Variants in SHOC1 observed in about 807,000 individuals in gnomAD.
SHOC1 encodes the protein protein shortage in chiasmata 1 ortholog.
In SHOC1, 136 loss-of-function variants were observed where a neutral mutation model predicts 179.2. The observed-to-expected ratio is 0.76, with a 90% CI of 0.66 to 0.87. SHOC1 has a LOEUF of 0.87. Ranked by LOEUF, SHOC1 falls within the 40% of genes least tolerant of loss-of-function variation. SHOC1 has a pLI of 0.00. For missense variants in SHOC1, 1,538 were observed against 1,700.8 expected (o/e 0.90, Z 1.68); for synonymous variants, 489 against 586.6 (o/e 0.83, Z 2.41).
chr9:111,718,106 T>G, intron 16 of SHOC1, 78 bp downstream of exon 16: 5 of 992,580 alleles, frequency 5.0e-6, no homozygotes, highest in Non-Finnish European at 7.5e-6. Flanking sequence ...ATAAGGTGTA[T>G]CTTTTTCAGA....
intron 12 of SHOC1, among the ~76,000 whole-genome samples, chr9:111,732,507 G>A (rs1833621427): frequency 6.6e-6 from 1 of 152,066 alleles, no homozygotes; most frequent in African/African-American, 2.4e-5. Flanking sequence ...AAAACTGGGG[G>A]AAAAGCCCAG....
chr9:111,710,539 G>A (rs954507219), intron 18 of SHOC1, among the ~76,000 whole-genome samples: 3 of 152,000 alleles, frequency 2.0e-5, no homozygotes, highest in Non-Finnish European at 4.4e-5. Flanking sequence ...CTATGTTGTG[G>A]GCATTTTCCT....
Position 111,706,554 on chromosome 9 carries a change from G to T in SHOC1, c.2737+14C>A. ...CTAATAAAGCAAAAAAAGGATTTTG[G>T]CTTATATTCTTACTTTCTAAAACTG... On this transcript the variant is annotated intron_variant, in intron 20 of 27. Transcript: ENST00000682961. The T allele has an allele frequency of 1.4e-6, 2 of 1,472,894 alleles. No individual in the cohort carries two copies. Among genetic ancestry groups the T allele is most frequent in the Non-Finnish European group, 1.8e-6 (2 of 1,108,826 alleles). The allele number at this position is 1,472,894 out of a possible 1,614,324, so 91.2% of individuals were successfully genotyped here.
intron 18 of SHOC1, among the ~76,000 whole-genome samples, chr9:111,710,139 T>G (rs1375370235): frequency 6.6e-6 from 1 of 152,198 alleles, no homozygotes; most frequent in Non-Finnish European, 1.5e-5. Context: ...TACAGACAAC[T>G]GTGGTAGTCT....
chr9:111,705,236 CAAT>C lies in SHOC1; in HGVS notation c.2855+8_2855+10del. 7.3e-7 allele frequency: 1 copy of C among 1,374,536 alleles called. No homozygotes were observed. The highest frequency in any genetic ancestry group is 1.0e-6 in the Non-Finnish European group (1 of 995,566). The allele number at this position is 1,374,536 out of a possible 1,614,324, so 85.1% of individuals were successfully genotyped here. On this transcript the variant is annotated splice_region_variant and intron_variant, in intron 21 of 27. Coordinates refer to ENST00000682961, the MANE Select transcript of SHOC1 (RefSeq NM_001378211.1). Reference sequence around the variant, plus strand: ...TACACTTTTGTTAAAATTGTGAAATCAATAACTTACTTGGATTCTAGCAGCTGA... The same window carrying C: ...TACACTTTTGTTAAAATTGTGAAATCAACTTACTTGGATTCTAGCAGCTGA...
At position 111,700,327 on chromosome 9, in the gene SHOC1, G is replaced by A. The variant is rs1831910786; in HGVS notation, c.3090-280C>T. ...TAACCCATCCCTTTCCTGACTCCAGGGATGGCTTTATGACCAAATCCTAGC... is the reference window on the plus strand; with the variant it reads ...TAACCCATCCCTTTCCTGACTCCAGAGATGGCTTTATGACCAAATCCTAGC... On this transcript the variant is annotated intron_variant, in intron 23 of 27. Coordinates refer to ENST00000682961, the MANE Select transcript of SHOC1 (RefSeq NM_001378211.1). Among the ~76,000 whole-genome samples, 3 of 142,250 alleles carry A rather than the reference G, an allele frequency of 2.1e-5. No homozygotes were observed. The South Asian group carries it at 6.4e-4, about 30-fold the overall frequency. The allele number at this position is 142,250 out of a possible 152,430, so 93.3% of individuals were successfully genotyped here. A position where few individuals can be genotyped will look rare whatever the true frequency, so the allele number is the denominator to read the frequency against.
chr9:111,733,437 T>G (rs1334103866), intron 12 of SHOC1, among the ~76,000 whole-genome samples: 1 of 152,094 alleles, frequency 6.6e-6, no homozygotes. Context: ...AGCTGGAGAG[T>G]GCATGGTCTG....
chr9:111,720,162 G>GC lies in SHOC1; in HGVS notation c.2132-1875dup, dbSNP rs1240143008. Among the ~76,000 whole-genome samples the GC allele has an allele frequency of 3.9e-5, 6 of 152,278 alleles. No homozygotes were observed. In the East Asian group the frequency reaches 1.2e-3, roughly 29 times the overall value. ...GTATTTACTGGCTTAGACTAAAACA[G>GC]CCCAAGGCCCAGAAGTGATTACCAC... On this transcript the variant is annotated intron_variant, in intron 15 of 27. Transcript: ENST00000682961.
At chr9:111,756,265 T>C in intron 8 of SHOC1, 60 bp downstream of exon 8, 1 of 1,378,350 alleles carries the variant, frequency 7.3e-7, no homozygotes, top group Non-Finnish European at 9.7e-7. Context: ...AACAAGAACC[T>C]ATGTAACAAA....
At chr9:111,731,347 T>C (rs7039892) in intron 12 of SHOC1, among the ~76,000 whole-genome samples, 121,738 of 152,156 alleles carry the variant, frequency 0.8, 48,880 homozygotes, top group East Asian at 0.92. Flanking sequence ...ACCATTCTCA[T>C]TTAATCATTT....
In SHOC1 at chr9:111,727,625, T is replaced by A. The variant is rs778058049; in HGVS notation, c.1834+8A>T. On this transcript the variant is annotated splice_region_variant and intron_variant, in intron 13 of 27. Transcript: ENST00000682961. ...ATATCTACGGCAAAATATTATTAAA[T>A]TACTTACCATGTTTTTCATCACTGT... 1 of 1,549,820 alleles carries A rather than the reference T, an allele frequency of 6.5e-7. No homozygotes were observed. Among genetic ancestry groups the A allele is most frequent in the East Asian group, 2.3e-5 (1 of 44,032 alleles).
At chr9:111,776,007 A>G in intron 4 of SHOC1, 32 bp from the exon 5 acceptor site, 1 of 1,550,088 alleles carries the variant, frequency 6.5e-7, no homozygotes. Flanking sequence ...AATGTTATGT[A>G]TGTCCTATTT....
At chr9:111,688,145 TA>T (rs1831265344) in intron 27 of SHOC1, among the ~76,000 whole-genome samples, 1 of 152,204 alleles carries the variant, frequency 6.6e-6, no homozygotes, top group Admixed American at 6.5e-5. Flanking sequence ...GCCTGGTTTG[TA>T]GCATCTGCAA....
intron 5 of SHOC1, among the ~76,000 whole-genome samples, chr9:111,763,065 T>C (rs1361793790): frequency 1.3e-5 from 2 of 151,980 alleles, no homozygotes; most frequent in Non-Finnish European, 2.9e-5. Flanking sequence ...TAAATAGTAA[T>C]GGCAGCTAAA....
At chr9:111,706,889 T>C in intron 19 of SHOC1, 143 bp from the exon 20 acceptor site, 1 of 480,888 alleles carries the variant, frequency 2.1e-6, no homozygotes, top group Admixed American at 3.8e-5. Flanking sequence ...CGTTTTCTGT[T>C]GATTTGCTCT....
At chr9:111,737,139 G>A (rs1833843259) in intron 12 of SHOC1, among the ~76,000 whole-genome samples, 1 of 152,148 alleles carries the variant, frequency 6.6e-6, no homozygotes, top group South Asian at 2.1e-4. Context: ...CAGCCACTGT[G>A]GAAACTGTTT....
intron 11 of SHOC1, among the ~76,000 whole-genome samples, chr9:111,739,399 A>G (rs1833939028): frequency 6.6e-6 from 1 of 152,136 alleles, no homozygotes; most frequent in South Asian, 2.1e-4. Flanking sequence ...TACCACAATC[A>G]AGGTAATGAA....
intron 22 of SHOC1, 69 bp from the exon 23 acceptor site, chr9:111,702,295 T>C: frequency 9.8e-7 from 1 of 1,024,936 alleles, no homozygotes; most frequent in Non-Finnish European, 1.5e-6. Flanking sequence ...ATGTTATCAT[T>C]ATTTCAAGAA....
chr9:111,763,333 T>C (rs187144215), intron 5 of SHOC1, among the ~76,000 whole-genome samples: 7 of 152,216 alleles, frequency 4.6e-5, no homozygotes, highest in African/African-American at 1.4e-4. Context: ...ATACACCATG[T>C]ATCCAGCCTA....
Sources: gnomAD v4.1 joint callset for allele counts (sites outside exome capture counted in the v4.1 genomes callset) on GRCh38, gnomAD v4.1.1 for gene constraint, MANE v1.5 for transcripts, NCBI Gene and HGNC (gene_info 2026-07-23, HGNC 2026-07-21) for gene names.